The following VWC2L variants were observed in gnomAD, a reference collection of about 807,000 sequenced individuals.
VWC2L encodes von Willebrand factor C domain-containing protein 2-like.
A neutral mutation model predicts 21.6 loss-of-function variants in VWC2L; 10 were observed. The observed-to-expected ratio is 0.46, with a 90% CI of 0.29 to 0.78. The LOEUF is 0.78. VWC2L is among the 30% of genes least tolerant of loss of function. VWC2L has a pLI of 0.10. For synonymous variants in VWC2L, 96 were observed against 94.3 expected (o/e 1.02, Z -0.10); for missense variants, 209 against 277.1 (o/e 0.75, Z 1.74).
At chr2:214,424,343 ATACTGAGAC>A (rs1282813404) in intron 2 of VWC2L, among the ~76,000 whole-genome samples, 1 of 152,178 alleles carries the variant, frequency 6.6e-6, no homozygotes, top group Non-Finnish European at 1.5e-5. Context: ...ACACGTTAGT[ATACTGAGAC>A]TACTTGAGCA....
intron 3 of VWC2L, among the ~76,000 whole-genome samples, chr2:214,505,942 G>T (rs1283523988): frequency 6.6e-6 from 1 of 152,154 alleles, no homozygotes; most frequent in Non-Finnish European, 1.5e-5. Flanking sequence ...GGTGAGCACA[G>T]GGGCCAAAGG....
At chr2:214,453,281 T>A (rs976123148) in intron 3 of VWC2L, among the ~76,000 whole-genome samples, 1 of 152,228 alleles carries the variant, frequency 6.6e-6, no homozygotes, top group Non-Finnish European at 1.5e-5. Flanking sequence ...GGGTTTTTTT[T>A]TAAATATGAA....
intron 3 of VWC2L, among the ~76,000 whole-genome samples, chr2:214,551,518 C>T (rs1044352621): frequency 4.6e-5 from 7 of 152,180 alleles, no homozygotes; most frequent in East Asian, 3.9e-4. Context: ...GAGAAATAAT[C>T]GCTCTTTTTG....
intron 3 of VWC2L, among the ~76,000 whole-genome samples, chr2:214,476,286 A>C (rs1337951044): frequency 1.3e-5 from 2 of 152,226 alleles, no homozygotes; most frequent in African/African-American, 4.8e-5. Context: ...TATATTCATA[A>C]CCAAATCATG....
intron 3 of VWC2L, among the ~76,000 whole-genome samples, chr2:214,571,291 T>C (rs944613892): frequency 3.3e-5 from 5 of 152,322 alleles, no homozygotes; most frequent in East Asian, 3.9e-4. Flanking sequence ...TCATATCCCA[T>C]TGATGCCATT....
intron 3 of VWC2L, among the ~76,000 whole-genome samples, chr2:214,496,565 A>C (rs1688816394): frequency 6.6e-6 from 1 of 152,162 alleles, no homozygotes; most frequent in Non-Finnish European, 1.5e-5. Context: ...AGTCTGCTTC[A>C]TCCACATTGG....
At chr2:214,500,501 T>C (rs890489624) in intron 3 of VWC2L, among the ~76,000 whole-genome samples, 3 of 152,200 alleles carry the variant, frequency 2.0e-5, no homozygotes, top group Non-Finnish European at 2.9e-5. Flanking sequence ...ATTTCATCTG[T>C]ATTCCAGGTA....
intron 3 of VWC2L, among the ~76,000 whole-genome samples, chr2:214,438,621 G>A (rs139410822): frequency 1.6e-4 from 25 of 152,010 alleles, no homozygotes; most frequent in African/African-American, 5.1e-4. Flanking sequence ...TCCTTCTAGC[G>A]ACCCTACACT....
chr2:214,520,058 T>TACACACACAC (rs60850327), intron 3 of VWC2L, among the ~76,000 whole-genome samples: 26,418 of 142,954 alleles, frequency 0.18, 2,681 homozygotes, highest in Admixed American at 0.23. Flanking sequence ...GCTCCTGTTA[T>TACACACACAC]ACACACACAC....
chr2:214,565,926 C>T (rs963177561), intron 3 of VWC2L, among the ~76,000 whole-genome samples: 14 of 152,136 alleles, frequency 9.2e-5, no homozygotes, highest in African/African-American at 3.1e-4. Context: ...AGAACTGAAA[C>T]GTGGACAGTC....
At chr2:214,459,021 C>G (rs540481881) in intron 3 of VWC2L, among the ~76,000 whole-genome samples, 1 of 152,022 alleles carries the variant, frequency 6.6e-6, no homozygotes, top group Non-Finnish European at 1.5e-5. Flanking sequence ...GTTTGAAGTC[C>G]CTAACAATTA....
At chr2:214,478,037 CAT>C (rs1688550771) in intron 3 of VWC2L, among the ~76,000 whole-genome samples, 1 of 152,178 alleles carries the variant, frequency 6.6e-6, no homozygotes, top group Non-Finnish European at 1.5e-5. Context: ...AAGTCACAAA[CAT>C]AGTCTCAACT....
intron 3 of VWC2L, among the ~76,000 whole-genome samples, chr2:214,463,464 A>C (rs1240836926): frequency 2.0e-5 from 3 of 152,070 alleles, no homozygotes; most frequent in African/African-American, 7.2e-5. Flanking sequence ...TATTTCTATA[A>C]AGTCCTTTTC....
intron 2 of VWC2L, among the ~76,000 whole-genome samples, chr2:214,428,017 T>C (rs2126174976): frequency 6.6e-6 from 1 of 152,264 alleles, no homozygotes; most frequent in South Asian, 2.1e-4. Context: ...TTTCAAATAA[T>C]TCACAATGAA....
chr2:214,495,984 A>T (rs1688806124), intron 3 of VWC2L, among the ~76,000 whole-genome samples: 1 of 152,132 alleles, frequency 6.6e-6, no homozygotes, highest in African/African-American at 2.4e-5. Flanking sequence ...ATGTGTCCTT[A>T]GACTATTTCA....
At chr2:214,562,548 G>C (rs1435228794) in intron 3 of VWC2L, among the ~76,000 whole-genome samples, 2 of 152,184 alleles carry the variant, frequency 1.3e-5, no homozygotes, top group Non-Finnish European at 2.9e-5. Flanking sequence ...TCTGGTTCTA[G>C]ATCTTTGAGG....
rs57351904 is a variant in VWC2L at position 214,459,902 on chromosome 2, CTTTT to C, written c.520+23163_520+23166del. On this transcript the variant is annotated intron_variant, in intron 3 of 3. Coordinates refer to ENST00000312504, the MANE Select transcript of VWC2L (RefSeq NM_001080500.4). ...TCTAGAATTATTTCTTTTCCTTTGA[CTTTT>C]TTTTTTTTTTTTTTTTTTGAGATGG... Among the ~76,000 whole-genome samples the C allele has an allele frequency of 2.3e-3, 198 of 85,152 alleles. 1 individual carries two copies. The highest frequency in any genetic ancestry group is 3.1e-3 in the Non-Finnish European group (149 of 47,858). The allele number at this position is 85,152 out of a possible 152,430, so 55.9% of individuals were successfully genotyped here. A position where few individuals can be genotyped will look rare whatever the true frequency, so the allele number is the denominator to read the frequency against.
intron 3 of VWC2L, among the ~76,000 whole-genome samples, chr2:214,571,485 T>C (rs1690148540): frequency 6.6e-6 from 1 of 152,222 alleles, no homozygotes; most frequent in Non-Finnish European, 1.5e-5. Context: ...CTCCTATATA[T>C]TTAATACTAA....
Position 214,428,814 on chromosome 2 carries a change from CAAAAAAAAAA to C in VWC2L, c.391-7804_391-7795del, listed in dbSNP as rs11431112. ...GAAAATCTTTGCACACAGACAGTGGCAAAAAAAAAAAAAAAAAAAAGGAGTTCCTGAGAAA... is the reference window on the plus strand; with the variant it reads ...GAAAATCTTTGCACACAGACAGTGGCAAAAAAAAAAGGAGTTCCTGAGAAA... On this transcript the variant is annotated intron_variant, in intron 2 of 3. Transcript: ENST00000312504. Among the ~76,000 whole-genome samples, 3 of 98,340 alleles carry C rather than the reference CAAAAAAAAAA, an allele frequency of 3.1e-5. No homozygotes were observed. The Admixed American group carries it at 3.1e-4, about 10-fold the overall frequency. 64.5% of individuals were successfully genotyped at this position (98,340 alleles called of 152,430 possible). A position where few individuals can be genotyped will look rare whatever the true frequency, so the allele number is the denominator to read the frequency against.
Sources: gnomAD v4.1 joint callset for allele counts (sites outside exome capture counted in the v4.1 genomes callset) on GRCh38, gnomAD v4.1.1 for gene constraint, MANE v1.5 for transcripts, NCBI Gene and HGNC (gene_info 2026-07-23, HGNC 2026-07-21) for gene names.